The following TNMD variants were observed in gnomAD, a reference collection of about 807,000 sequenced individuals.
The protein encoded by TNMD is BRICHOS domain containing 4.
In TNMD, 15 loss-of-function variants were observed where a neutral mutation model predicts 26.9. The ratio of observed to expected loss-of-function variants is 0.56; its 90% confidence interval spans 0.37 to 0.86. TNMD has a LOEUF of 0.86. TNMD is among the 40% of genes least tolerant of loss of function. The probability of loss-of-function intolerance (pLI) is 0.00; values close to 1 mark genes in which losing one functional copy is unlikely to be tolerated. For missense variants in TNMD, 222 were observed against 242.6 expected, an observed-to-expected ratio of 0.92 and a Z score of 0.56; for synonymous variants, 73 against 77.0, an observed-to-expected ratio of 0.95 and a Z score of 0.27.
rs190965090 is a variant in TNMD, at chrX:100,592,112, C to T, written c.181-1783C>T. Among the ~76,000 whole-genome samples the T allele has an allele frequency of 2.5e-3, 281 of 111,527 alleles. 3 individuals carry two copies. Among genetic ancestry groups the T allele is most frequent in the Non-Finnish European group, 1.3e-3 (67 of 53,086 alleles). On this transcript the variant is annotated intron_variant, in intron 2 of 6. Coordinates refer to ENST00000373031, the MANE Select transcript of TNMD (RefSeq NM_022144.3). ...ATGAAATAAACACCCCACCGCAGCC[C>T]CCAATGGCTAGTGGCATCAACATTT...
At chrX:100,594,145 TCCTCTAGC>T in intron 3 of TNMD, 108 bp from the exon 4 acceptor site, 2 of 925,445 alleles carry the variant, frequency 2.2e-6, no homozygotes, top group Non-Finnish European at 3.0e-6. Flanking sequence ...AAAGCTAGCC[TCCTCTAGC>T]TTTCCATTTG....
chrX:100,594,359 T>A lies in TNMD; in HGVS notation c.420T>A (p.Asp140Glu). Residue 140 changes from aspartate (D) to glutamate (E), a missense_variant, in exon 4 of 7, where the codon GAT becomes GAA. Physicochemically the swap from Asp to Glu is conservative, Grantham distance 45 (BLOSUM62 2). Transcript: ENST00000373031. ...TTTCTGAACCAGAAGAGGAAATAGA[T>A]GAGGTATGTAAGAAGAATAATTGTG... ...PEFSEPEEEIDENEEITTTFF... is the reference protein window; with the variant it reads ...PEFSEPEEEIEENEEITTTFF... The A allele has an allele frequency of 8.7e-7, 1 of 1,143,102 alleles. No individual in the cohort carries two copies. The highest frequency in any genetic ancestry group is 1.9e-5 in the South Asian group (1 of 52,077). The allele number at this position is 1,143,102 out of a possible 1,213,427, so 94.2% of individuals were successfully genotyped here.
intron 6 of TNMD, 82 bp downstream of exon 6, chrX:100,599,264 T>G (rs2082961709): frequency 1.1e-6 from 1 of 870,189 alleles, no homozygotes. Context: ...ATCACAATCA[T>G]TGGAAGGAGA....
intron 2 of TNMD, among the ~76,000 whole-genome samples, chrX:100,590,851 C>G (rs1299537449): frequency 8.9e-6 from 1 of 111,832 alleles, no homozygotes; most frequent in East Asian, 2.8e-4. Context: ...GCAAAAGTAA[C>G]TGTGGTTTTA....
intron 5 of TNMD, among the ~76,000 whole-genome samples, chrX:100,598,711 C>T (rs1886909181): frequency 1.8e-5 from 2 of 112,517 alleles, no homozygotes; most frequent in Admixed American, 1.9e-4. Flanking sequence ...TGGGTAAAAT[C>T]ATCATTGTAG....
Position 100,599,652 on chromosome X carries a change from C to T in TNMD, c.889C>T (p.Arg297Ter), listed in dbSNP as rs757961498. The stretch of plus-strand genomic sequence containing the variant: ...ATATCCATACTGCTACCAAGGAGGA[C>T]GAGTCATCTGTCGTGTCATCATGCC... ...YPYPYCYQGG[R>*]VICRVIMPCN... Residue 297 changes from arginine to a stop codon, truncating the protein, a stop_gained, in exon 7 of 7, where the codon CGA (arginine) becomes TGA (stop). Transcript: ENST00000373031. LOFTEE classifies it high-confidence loss of function. 2 of 1,211,672 alleles carry T rather than the reference C, an allele frequency of 1.7e-6. No homozygotes were observed. Among genetic ancestry groups the T allele is most frequent in the Non-Finnish European group, 2.2e-6 (2 of 895,489 alleles).
chrX:100,598,025 T>G (rs1439337047), intron 5 of TNMD, among the ~76,000 whole-genome samples: 1 of 111,988 alleles, frequency 8.9e-6, no homozygotes, highest in East Asian at 2.8e-4. Context: ...GCAAAAACAA[T>G]GCTCTGCTAT....
chrX:100,584,958 CCTCAGCAGTGGTCT>C lies in TNMD; in HGVS notation c.-55_-42del, dbSNP rs1214736003. The C allele has an allele frequency of 9.0e-7, 1 of 1,112,061 alleles. No individual in the cohort carries two copies. The highest frequency in any genetic ancestry group is 1.8e-5 in the African/African-American group (1 of 54,217). The allele number at this position is 1,112,061 out of a possible 1,213,427, so 91.6% of individuals were successfully genotyped here. A position where few individuals can be genotyped will look rare whatever the true frequency, so the allele number is the denominator to read the frequency against. The stretch of plus-strand genomic sequence containing the variant: ...GTTAGCCGACTCACTTGCAACTCCA[CCTCAGCAGTGGTCT>C]CTCAGTCCTCTCAAAGCAAGGAAAG... On this transcript the variant is annotated 5_prime_UTR_variant, in exon 1 of 7. Coordinates refer to ENST00000373031, the MANE Select transcript of TNMD (RefSeq NM_022144.3).
chrX:100,589,958 T>A (rs1176326581), intron 2 of TNMD, among the ~76,000 whole-genome samples: 1 of 111,506 alleles, frequency 9.0e-6, no homozygotes, highest in Non-Finnish European at 1.9e-5. Context: ...GGAGAAAAAC[T>A]TACTGGTCAG....
intron 4 of TNMD, among the ~76,000 whole-genome samples, chrX:100,595,892 G>A (rs543715965): frequency 8.9e-6 from 1 of 112,070 alleles, no homozygotes; most frequent in Non-Finnish European, 1.9e-5. Flanking sequence ...AAGATAAAAG[G>A]AAAATCAATA....
At chrX:100,588,305 GACAC>G (rs772320493) in intron 2 of TNMD, among the ~76,000 whole-genome samples, 10 of 106,636 alleles carry the variant, frequency 9.4e-5, no homozygotes, top group East Asian at 5.9e-4. Context: ...CACACACACA[GACAC>G]ACACACACAC....
At chrX:100,588,065 C>T (rs1322209047) in intron 2 of TNMD, among the ~76,000 whole-genome samples, 1 of 111,795 alleles carries the variant, frequency 8.9e-6, no homozygotes, top group East Asian at 2.8e-4. Flanking sequence ...TCCACCACGC[C>T]TCCTTTTTAT....
At chrX:100,586,322 T>C (rs751289241) in intron 2 of TNMD, among the ~76,000 whole-genome samples, 4 of 112,028 alleles carry the variant, frequency 3.6e-5, no homozygotes, top group African/African-American at 1.3e-4. Context: ...TGCTCATTTC[T>C]ATTTGGTAAC....
chrX:100,586,970 C>T (rs185834526), intron 2 of TNMD, among the ~76,000 whole-genome samples: 1 of 112,195 alleles, frequency 8.9e-6, no homozygotes, highest in Non-Finnish European at 1.9e-5. Flanking sequence ...GGCCATAAAT[C>T]CTTTGTTCTC....
chrX:100,597,674 C>A lies in TNMD; in HGVS notation c.577+17C>A. ...TAATATCAGGTATGACATTCTTATCCTCATCCTCCTCCTATTTTCTAAGAC... is the reference window on the plus strand; with the variant it reads ...TAATATCAGGTATGACATTCTTATCATCATCCTCCTCCTATTTTCTAAGAC... On this transcript the variant is annotated intron_variant, in intron 5 of 6. Transcript: ENST00000373031. 3 of 1,186,208 alleles carry A rather than the reference C, an allele frequency of 2.5e-6. No individual in the cohort carries two copies. The highest frequency in any genetic ancestry group is 3.6e-5 in the South Asian group (2 of 56,167).
At chrX:100,599,209 A>G in intron 6 of TNMD, 27 bp downstream of exon 6, 1 of 1,114,989 alleles carries the variant, frequency 9.0e-7, no homozygotes, top group East Asian at 3.1e-5. Flanking sequence ...TAAACTCTTG[A>G]TAGAGGAGGA....
chrX:100,591,510 C>G, intron 2 of TNMD, among the ~76,000 whole-genome samples: 1 of 111,671 alleles, frequency 9.0e-6, no homozygotes, highest in Non-Finnish European at 1.9e-5. Context: ...CCACAGGGAC[C>G]CAGGCGAGAC....
At chrX:100,596,649 G>C (rs1375273690) in intron 4 of TNMD, among the ~76,000 whole-genome samples, 2 of 111,598 alleles carry the variant, frequency 1.8e-5, no homozygotes, top group African/African-American at 6.5e-5. Context: ...AACAAAGCTA[G>C]TCAGCATACC....
Position 100,599,054 on chromosome X carries a change from C to A in TNMD, c.616C>A (p.Leu206Ile). ...LQDFEEEGED[L>I]HFPANEKKGI... is the part of the protein sequence containing the mutation. ...AGACTTTGAGGAGGAGGGAGAAGAT[C>A]TTCACTTTCCTGCCAACGAAAAAAA... The change falls in exon 6 of 7, where the codon CTT becomes ATT. Residue 206 changes from leucine to isoleucine, a missense_variant. Transcript: ENST00000373031. 8.3e-7 allele frequency: 1 copy of A among 1,205,755 alleles called. No individual in the cohort carries two copies.
Sources: allele counts gnomAD v4.1 joint callset (sites outside exome capture counted in the v4.1 genomes callset), GRCh38; gene constraint gnomAD v4.1.1; transcripts MANE v1.5; gene names NCBI Gene and HGNC (gene_info 2026-07-23, HGNC 2026-07-21).